ERBB4: variants seen among roughly 807,000 people sequenced by gnomAD.
ERBB4 encodes erb-b2 receptor tyrosine kinase 4.
ERBB4 carries 42 observed loss-of-function variants against 158.0 expected under a neutral mutation model. The observed-to-expected ratio is 0.27, with a 90% CI of 0.21 to 0.34. ERBB4 has a LOEUF of 0.34. Ranked by LOEUF, ERBB4 falls within the 10% of genes least tolerant of loss-of-function variation. ERBB4 has a pLI of 1.00. For missense variants in ERBB4, 1,333 were observed against 1,624.1 expected (o/e 0.82, Z 3.08); for synonymous variants, 583 against 558.7 (o/e 1.04, Z -0.61).
intron 1 of ERBB4, among the ~76,000 whole-genome samples, chr2:212,358,864 T>C (rs1022574364): frequency 1.3e-5 from 2 of 151,710 alleles, no homozygotes; most frequent in Admixed American, 1.3e-4. Context: ...ACCTTGTATG[T>C]CAAAAGATAT....
chr2:211,476,468 A>C (rs1040273428), intron 20 of ERBB4, among the ~76,000 whole-genome samples: 1 of 152,032 alleles, frequency 6.6e-6, no homozygotes, highest in Admixed American at 6.6e-5. Flanking sequence ...AACATCAGGT[A>C]GAATTGACAG....
chr2:211,807,450 A>G (rs1445541227), intron 3 of ERBB4, among the ~76,000 whole-genome samples: 1 of 152,208 alleles, frequency 6.6e-6, no homozygotes, highest in Non-Finnish European at 1.5e-5. Context: ...AGCTTCATCC[A>G]TGTCCCTACA....
At chr2:211,905,901 A>C (rs2079379736) in intron 3 of ERBB4, among the ~76,000 whole-genome samples, 1 of 151,386 alleles carries the variant, frequency 6.6e-6, no homozygotes, top group African/African-American at 2.4e-5. Context: ...AAAAGTTCAA[A>C]GGCACCAAAG....
chr2:211,812,344 A>G (rs1258008786), intron 3 of ERBB4, among the ~76,000 whole-genome samples: 1 of 152,206 alleles, frequency 6.6e-6, no homozygotes, highest in East Asian at 1.9e-4. Flanking sequence ...GGGTATCACC[A>G]GCGGAGGCTG....
intron 2 of ERBB4, among the ~76,000 whole-genome samples, chr2:211,969,705 A>C (rs538896278): frequency 1.3e-5 from 2 of 152,028 alleles, no homozygotes; most frequent in South Asian, 4.1e-4. Context: ...ATTTTAAAAA[A>C]CCATAAAATA....
Position 212,054,083 on chromosome 2 carries a change from C to T in ERBB4, c.234+70669G>A, listed in dbSNP as rs1425292412. Among the ~76,000 whole-genome samples the T allele has an allele frequency of 2.0e-5, 3 of 152,098 alleles. No homozygotes were observed. The East Asian group carries it at 5.8e-4, about 29-fold the overall frequency. On this transcript the variant is annotated intron_variant, in intron 2 of 27. Coordinates refer to ENST00000342788, the MANE Select transcript of ERBB4 (RefSeq NM_005235.3). ...TAACCTCCTTCCCCTCCTCCTCTTG[C>T]CCCACAGGGAAGAGTATTGCACCTG...
intron 10 of ERBB4, 127 bp downstream of exon 10, chr2:211,705,191 A>G: frequency 1.4e-6 from 1 of 725,146 alleles, no homozygotes; most frequent in Admixed American, 2.0e-5. Context: ...TGACCTCATG[A>G]TCCACCCGCC....
chr2:212,045,829 C>T (rs764853266), intron 2 of ERBB4, among the ~76,000 whole-genome samples: 19 of 152,224 alleles, frequency 1.2e-4, no homozygotes, highest in Non-Finnish European at 1.5e-4. Context: ...CAAAAGGGAA[C>T]TTCACATTTC....
chr2:212,455,350 C>T (rs983330955), intron 1 of ERBB4, among the ~76,000 whole-genome samples: 2 of 152,120 alleles, frequency 1.3e-5, no homozygotes, highest in African/African-American at 2.4e-5. Context: ...ATATGCATCA[C>T]CCTCCTAATC....
At chr2:212,311,005 T>G (rs1441551997) in intron 1 of ERBB4, among the ~76,000 whole-genome samples, 3 of 150,870 alleles carry the variant, frequency 2.0e-5, no homozygotes, top group Non-Finnish European at 4.5e-5. Context: ...TGTTTTGCAC[T>G]AGTCACATTT....
At chr2:212,399,241 C>A (rs936256020) in intron 1 of ERBB4, among the ~76,000 whole-genome samples, 2 of 151,914 alleles carry the variant, frequency 1.3e-5, no homozygotes, top group African/African-American at 4.8e-5. Flanking sequence ...CTGCACCTGG[C>A]CCATATTGTT....
At chr2:211,658,291 G>A (rs2071294018) in intron 15 of ERBB4, among the ~76,000 whole-genome samples, 1 of 152,082 alleles carries the variant, frequency 6.6e-6, no homozygotes, top group African/African-American at 2.4e-5. Flanking sequence ...CATCATACAT[G>A]ATTACATGTC....
intron 2 of ERBB4, among the ~76,000 whole-genome samples, chr2:212,070,481 G>A (rs1363644579): frequency 6.6e-6 from 1 of 152,010 alleles, no homozygotes; most frequent in Non-Finnish European, 1.5e-5. Context: ...AGTGTCATAA[G>A]ATAATACACA....
intron 1 of ERBB4, among the ~76,000 whole-genome samples, chr2:212,185,752 A>G (rs1379587125): frequency 6.6e-6 from 1 of 152,134 alleles, no homozygotes; most frequent in African/African-American, 2.4e-5. Flanking sequence ...ATCTAAAAGT[A>G]AAATGTCTCA....
intron 2 of ERBB4, among the ~76,000 whole-genome samples, chr2:212,053,448 C>G (rs1245430749): frequency 1.3e-5 from 2 of 152,002 alleles, no homozygotes; most frequent in Non-Finnish European, 2.9e-5. Flanking sequence ...TAGTATGGGC[C>G]ACAACTCTAT....
At chr2:212,315,742 T>G (rs1340532009) in intron 1 of ERBB4, among the ~76,000 whole-genome samples, 1 of 151,308 alleles carries the variant, frequency 6.6e-6, no homozygotes, top group Non-Finnish European at 1.5e-5. Context: ...CCAAATACAA[T>G]GTCAGATTCC....
At chr2:211,400,239 T>A in intron 25 of ERBB4, among the ~76,000 whole-genome samples, 1 of 152,154 alleles carries the variant, frequency 6.6e-6, no homozygotes, top group Non-Finnish European at 1.5e-5. Context: ...ATAAGCTTTA[T>A]AAGCTCGTGT....
At chr2:212,178,570 C>A (rs2081753243) in intron 1 of ERBB4, among the ~76,000 whole-genome samples, 1 of 151,626 alleles carries the variant, frequency 6.6e-6, no homozygotes, top group African/African-American at 2.4e-5. Flanking sequence ...AGAGGTAGTA[C>A]TGAAAACCCT....
At chr2:212,441,738 A>G (rs1415354988) in intron 1 of ERBB4, among the ~76,000 whole-genome samples, 2 of 152,140 alleles carry the variant, frequency 1.3e-5, no homozygotes, top group African/African-American at 4.8e-5. Context: ...TAGCTGAAAT[A>G]TGGATTAAAA....
Sources: allele counts gnomAD v4.1 joint callset (sites outside exome capture counted in the v4.1 genomes callset), GRCh38; gene constraint gnomAD v4.1.1; transcripts MANE v1.5; gene names NCBI Gene and HGNC (gene_info 2026-07-23, HGNC 2026-07-21).